Variants in ST8SIA5 observed in about 807,000 individuals in gnomAD.
ST8SIA5 encodes the protein alpha-2,8-sialyltransferase 8E.
Under a neutral mutation model 40.2 loss-of-function variants are expected in ST8SIA5, and 24 were observed. That is an observed-to-expected ratio of 0.60 (90% CI 0.43 to 0.84). The LOEUF (loss-of-function observed/expected upper bound fraction) is 0.84, where lower values mean the gene tolerates loss of function less well. ST8SIA5 is among the 40% of genes least tolerant of loss of function. The pLI, the probability that ST8SIA5 is intolerant of heterozygous loss-of-function variation, is 0.00. For missense variants in ST8SIA5, 465 were observed against 498.5 expected (o/e 0.93, Z 0.64); for synonymous variants, 198 against 201.8 (o/e 0.98, Z 0.16).
chr18:46,721,221 G>T, intron 1 of ST8SIA5: 1 of 710,176 alleles, frequency 1.4e-6, no homozygotes, highest in Non-Finnish European at 2.3e-6. Context: ...AACCAGGTGG[G>T]ATACCAAAGT....
intron 1 of ST8SIA5, among the ~76,000 whole-genome samples, chr18:46,714,331 C>T (rs1306794998): frequency 1.3e-5 from 2 of 152,204 alleles, no homozygotes; most frequent in African/African-American, 4.8e-5. Flanking sequence ...CTCCAACTCC[C>T]TTTTCTTTCC....
intron 1 of ST8SIA5, among the ~76,000 whole-genome samples, chr18:46,722,231 GCAGT>G (rs925294598): frequency 6.6e-6 from 1 of 152,178 alleles, no homozygotes; most frequent in African/African-American, 2.4e-5. Context: ...TGCACAAAAA[GCAGT>G]CAGACAACCC....
At chr18:46,753,400 G>A (rs965632007) in intron 1 of ST8SIA5, among the ~76,000 whole-genome samples, 2 of 151,924 alleles carry the variant, frequency 1.3e-5, no homozygotes, top group East Asian at 1.9e-4. Context: ...CTGAAAACCC[G>A]TCTCTACTAA....
intron 1 of ST8SIA5, among the ~76,000 whole-genome samples, chr18:46,717,869 A>G (rs929078630): frequency 2.6e-5 from 4 of 151,942 alleles, no homozygotes; most frequent in Admixed American, 2.6e-4. Flanking sequence ...ACATTTATTG[A>G]GCACCTACTA....
intron 1 of ST8SIA5, among the ~76,000 whole-genome samples, chr18:46,718,108 C>T (rs2039811196): frequency 6.6e-6 from 1 of 152,110 alleles, no homozygotes; most frequent in African/African-American, 2.4e-5. Context: ...GCAGGTGGAT[C>T]ACTTGAGGTC....
Position 46,674,422 on chromosome 18 carries a change from C to A in ST8SIA5, c.*5620G>T, listed in dbSNP as rs914373604. The A allele has an allele frequency of 3.9e-5, 6 of 152,172 alleles. No homozygotes were observed. Among genetic ancestry groups the A allele is most frequent in the African/African-American group, 1.4e-4 (6 of 41,436 alleles). The allele number at this position is 152,172 out of a possible 1,614,324, so 9.4% of individuals were successfully genotyped here. On this transcript the variant is annotated 3_prime_UTR_variant, in exon 7 of 7. Coordinates refer to ENST00000315087, the MANE Select transcript of ST8SIA5 (RefSeq NM_013305.6). ...ACAGGCAGGAGGAGTCTCTGCCTTC[C>A]TGGGATGTGCTAGGTAAAAAAATCA...
At chr18:46,745,724 A>G (rs1337620702) in intron 1 of ST8SIA5, among the ~76,000 whole-genome samples, 1 of 152,244 alleles carries the variant, frequency 6.6e-6, no homozygotes, top group Non-Finnish European at 1.5e-5. Context: ...TTATGAGGCC[A>G]GAATCATCCT....
intron 2 of ST8SIA5, among the ~76,000 whole-genome samples, chr18:46,699,261 G>A (rs2039586700): frequency 6.6e-6 from 1 of 152,152 alleles, no homozygotes; most frequent in African/African-American, 2.4e-5. Flanking sequence ...GATTACTTAG[G>A]TAATCTATAG....
chr18:46,729,266 C>T (rs1055518576), intron 1 of ST8SIA5, among the ~76,000 whole-genome samples: 4 of 152,196 alleles, frequency 2.6e-5, no homozygotes, highest in African/African-American at 9.7e-5. Flanking sequence ...AGTTCTGTCA[C>T]CCCTACATAA....
At chr18:46,755,278 A>G (rs1217236473) in intron 1 of ST8SIA5, among the ~76,000 whole-genome samples, 2 of 152,138 alleles carry the variant, frequency 1.3e-5, no homozygotes, top group Non-Finnish European at 2.9e-5. Flanking sequence ...TGATGTATCC[A>G]CCTCACCCAA....
intron 2 of ST8SIA5, among the ~76,000 whole-genome samples, chr18:46,702,176 T>G (rs544654412): frequency 1.3e-5 from 2 of 151,152 alleles, no homozygotes; most frequent in East Asian, 3.9e-4. Flanking sequence ...AAATTAGTCA[T>G]TTATTCTCTG....
intron 5 of ST8SIA5, among the ~76,000 whole-genome samples, chr18:46,683,616 T>A (rs1233704583): frequency 1.3e-5 from 2 of 151,978 alleles, no homozygotes; most frequent in East Asian, 3.9e-4. Flanking sequence ...GTTTAAGGAA[T>A]AATTGTGCAG....
intron 1 of ST8SIA5, among the ~76,000 whole-genome samples, chr18:46,748,330 G>A (rs2040161809): frequency 6.6e-6 from 1 of 151,978 alleles, no homozygotes; most frequent in Admixed American, 6.6e-5. Flanking sequence ...TTGGGAGGCT[G>A]GGAAGGGTGG....
chr18:46,755,840 A>G (rs2040238511), intron 1 of ST8SIA5, among the ~76,000 whole-genome samples: 1 of 152,140 alleles, frequency 6.6e-6, no homozygotes, highest in African/African-American at 2.4e-5. Context: ...GTAAGACTTC[A>G]CTATCACTAT....
chr18:46,688,443 T>C (rs1281284216), intron 4 of ST8SIA5, among the ~76,000 whole-genome samples: 12 of 152,210 alleles, frequency 7.9e-5, no homozygotes, highest in Non-Finnish European at 1.6e-4. Context: ...CTCTTGTGCC[T>C]ACCTCAGGAG....
chr18:46,704,532 C>T (rs2039650301), intron 2 of ST8SIA5, 40 bp downstream of exon 2: 1 of 1,555,804 alleles, frequency 6.4e-7, no homozygotes, highest in Non-Finnish European at 8.9e-7. Context: ...TGCCCCACCT[C>T]CACATGCTCC....
chr18:46,681,828 G>T, intron 6 of ST8SIA5, 144 bp downstream of exon 6: 3 of 700,706 alleles, frequency 4.3e-6, no homozygotes, highest in Admixed American at 5.9e-5. Context: ...TCCTGTTTTT[G>T]TATTAAGTCT....
chr18:46,702,096 G>A (rs1416483441), intron 2 of ST8SIA5, among the ~76,000 whole-genome samples: 1 of 147,488 alleles, frequency 6.8e-6, no homozygotes, highest in African/African-American at 2.5e-5. Flanking sequence ...GCAGTGAGGC[G>A]AGATGGCACC....
In ST8SIA5 at chr18:46,756,566, G is replaced by T. The variant is rs2040250712; in HGVS notation, c.-58C>A. On this transcript the variant is annotated 5_prime_UTR_variant, in exon 1 of 7. Coordinates refer to ENST00000315087, the MANE Select transcript of ST8SIA5 (RefSeq NM_013305.6). ...GGGGCGGCCAGGCAATGACTCGCGG[G>T]GTTCCGGGGCCCCGGGGGGCGCGCG... 1 of 1,581,454 alleles carries T rather than the reference G, an allele frequency of 6.3e-7. No individual in the cohort carries two copies. The highest frequency in any genetic ancestry group is 8.6e-7 in the Non-Finnish European group (1 of 1,163,932).
Sources: allele counts gnomAD v4.1 joint callset (sites outside exome capture counted in the v4.1 genomes callset), GRCh38; gene constraint gnomAD v4.1.1; transcripts MANE v1.5; gene names NCBI Gene and HGNC (gene_info 2026-07-23, HGNC 2026-07-21).